Variants in ASTN2 observed in about 807,000 individuals in gnomAD.
The protein encoded by ASTN2 is astrotactin 2, also known as astrotactin-2.
Under a neutral mutation model 139.8 loss-of-function variants are expected in ASTN2, and 54 were observed. The ratio of observed to expected loss-of-function variants is 0.39; its 90% confidence interval spans 0.31 to 0.48. The LOEUF (loss-of-function observed/expected upper bound fraction) is 0.48. Ranked by LOEUF, ASTN2 falls within the 20% of genes least tolerant of loss-of-function variation. The pLI is 0.95. For missense variants in ASTN2, 1,565 were observed against 1,725.1 expected (o/e 0.91, Z 1.64); for synonymous variants, 756 against 719.5 (o/e 1.05, Z -0.81).
intron 1 of ASTN2, among the ~76,000 whole-genome samples, chr9:117,304,949 T>G (rs890816639): frequency 6.6e-6 from 1 of 152,168 alleles, no homozygotes; most frequent in Non-Finnish European, 1.5e-5. Flanking sequence ...AAAAAATGGC[T>G]AAGGTTATTT....
chr9:117,328,454 C>G (rs1332348022), intron 1 of ASTN2, among the ~76,000 whole-genome samples: 1 of 152,198 alleles, frequency 6.6e-6, no homozygotes, highest in African/African-American at 2.4e-5. Context: ...TGAATCATCT[C>G]TCTGCCATGA....
chr9:116,979,518 G>C (rs56764853), intron 7 of ASTN2, among the ~76,000 whole-genome samples: 8,904 of 152,180 alleles, frequency 0.059, 419 homozygotes, highest in African/African-American at 0.13. Flanking sequence ...ACCAAAGCGA[G>C]GAGGGGCAGG....
At chr9:117,109,806 A>G (rs867494779) in intron 4 of ASTN2, among the ~76,000 whole-genome samples, 2 of 152,142 alleles carry the variant, frequency 1.3e-5, no homozygotes, top group South Asian at 2.1e-4. Flanking sequence ...TGCATTGACA[A>G]TTTTGAAGCC....
At chr9:116,608,944 T>C (rs992857208) in intron 19 of ASTN2, among the ~76,000 whole-genome samples, 1 of 152,084 alleles carries the variant, frequency 6.6e-6, no homozygotes, top group Non-Finnish European at 1.5e-5. Flanking sequence ...AAAATTACAA[T>C]GTCCAAGACG....
intron 4 of ASTN2, among the ~76,000 whole-genome samples, chr9:117,111,001 C>T (rs550895171): frequency 6.6e-6 from 1 of 152,302 alleles, no homozygotes; most frequent in South Asian, 2.1e-4. Context: ...AAGGCAGGCC[C>T]TGACAGGCTC....
At chr9:117,219,203 A>T (rs1404022858) in intron 2 of ASTN2, among the ~76,000 whole-genome samples, 1 of 152,200 alleles carries the variant, frequency 6.6e-6, no homozygotes, top group Non-Finnish European at 1.5e-5. Flanking sequence ...GCACTGGTCC[A>T]GGCTTCTGTC....
chr9:116,511,980 G>T (rs1041694583), intron 19 of ASTN2, among the ~76,000 whole-genome samples: 11 of 151,930 alleles, frequency 7.2e-5, no homozygotes, highest in Admixed American at 2.6e-4. Flanking sequence ...ATTTTTTGAA[G>T]GGTTTTTCGT....
At chr9:116,666,297 T>A (rs574531864) in intron 16 of ASTN2, among the ~76,000 whole-genome samples, 1 of 152,334 alleles carries the variant, frequency 6.6e-6, no homozygotes, top group African/African-American at 2.4e-5. Flanking sequence ...ACTCCTTGGA[T>A]GATAGAATTT....
At chr9:117,066,007 C>T (rs1268989305) in intron 5 of ASTN2, among the ~76,000 whole-genome samples, 2 of 109,672 alleles carry the variant, frequency 1.8e-5, no homozygotes, top group Non-Finnish European at 4.0e-5. Flanking sequence ...ACCATCACTC[C>T]CATTTTATCT....
chr9:116,481,603 G>A (rs777216451), intron 20 of ASTN2, among the ~76,000 whole-genome samples: 21 of 152,254 alleles, frequency 1.4e-4, no homozygotes, highest in African/African-American at 3.4e-4. Context: ...CCCTTCACAC[G>A]TGTACACAAT....
intron 16 of ASTN2, among the ~76,000 whole-genome samples, chr9:116,670,715 G>A (rs1462539524): frequency 6.6e-6 from 1 of 152,158 alleles, no homozygotes; most frequent in East Asian, 1.9e-4. Context: ...GGGCTGAGAT[G>A]CAGGGCTTGG....
At chr9:117,276,117 G>T (rs1305486115) in intron 2 of ASTN2, among the ~76,000 whole-genome samples, 2 of 152,136 alleles carry the variant, frequency 1.3e-5, no homozygotes, top group Admixed American at 1.3e-4. Flanking sequence ...TGAGCTTCAA[G>T]AACAGCTACA....
intron 13 of ASTN2, among the ~76,000 whole-genome samples, chr9:116,754,006 C>A (rs114410535): frequency 0.015 from 2,228 of 149,898 alleles, 51 homozygotes; most frequent in African/African-American, 0.052. Context: ...CCCGCCCCTG[C>A]TGCGTCCATG....
chr9:116,815,816 A>AAAAAAAAAAAAAAAAAAAAAAAAAC lies in ASTN2; in HGVS notation c.2207+4800_2207+4801insGTTTTTTTTTTTTTTTTTTTTTTTT, dbSNP rs1564283204. ...CGAGACTCCGTCTCAAAAAAAAAAA[A>AAAAAAAAAAAAAAAAAAAAAAAAAC]AAAAAAAAAAAAGTTGATGAAATGG... On this transcript the variant is annotated intron_variant, in intron 12 of 22. Transcript: ENST00000313400. Among the ~76,000 whole-genome samples the AAAAAAAAAAAAAAAAAAAAAAAAAC allele has an allele frequency of 1.4e-5, 2 of 140,982 alleles. 1 individual carries two copies. Among genetic ancestry groups the AAAAAAAAAAAAAAAAAAAAAAAAAC allele is most frequent in the African/African-American group, 5.8e-5 (2 of 34,324 alleles). 92.5% of individuals were successfully genotyped at this position (140,982 alleles called of 152,430 possible).
rs548577967 is a variant in ASTN2, at chr9:117,063,448, G to A, written c.1277-23483C>T. On this transcript the variant is annotated intron_variant, in intron 5 of 22. Coordinates refer to ENST00000313400, the MANE Select transcript of ASTN2 (RefSeq NM_001365068.1). ...CATGAGATCTGATGGTTTGATAAGG[G>A]GAAACCCATTTCGCTTGGCTCTCAT... Among the ~76,000 whole-genome samples, 55 of 152,248 alleles carry A rather than the reference G, an allele frequency of 3.6e-4. 1 individual carries two copies. The highest frequency in any genetic ancestry group is 1.3e-3 in the African/African-American group (54 of 41,558).
At chr9:116,431,095 C>A (rs896806859) in intron 22 of ASTN2, among the ~76,000 whole-genome samples, 7 of 152,194 alleles carry the variant, frequency 4.6e-5, no homozygotes, top group African/African-American at 1.7e-4. Flanking sequence ...AGACAGGAAT[C>A]GCTTGTGAAA....
At chr9:117,231,485 G>T (rs1305974644) in intron 2 of ASTN2, among the ~76,000 whole-genome samples, 3 of 152,130 alleles carry the variant, frequency 2.0e-5, no homozygotes, top group Non-Finnish European at 4.4e-5. Context: ...AGAAAATGGG[G>T]ATAAGCAAAT....
At chr9:116,472,791 A>C (rs1296201510) in intron 20 of ASTN2, among the ~76,000 whole-genome samples, 1 of 151,744 alleles carries the variant, frequency 6.6e-6, no homozygotes, top group Non-Finnish European at 1.5e-5. Flanking sequence ...GCGGCGGCGG[A>C]GGGGGCACAC....
chr9:116,931,630 C>T (rs962083021), intron 10 of ASTN2, among the ~76,000 whole-genome samples: 2 of 152,184 alleles, frequency 1.3e-5, no homozygotes, highest in African/African-American at 4.8e-5. Context: ...GTACTGGACA[C>T]TGTCTTAGGA....
Sources: gnomAD v4.1 joint callset for allele counts (sites outside exome capture counted in the v4.1 genomes callset) on GRCh38, gnomAD v4.1.1 for gene constraint, MANE v1.5 for transcripts, NCBI Gene and HGNC (gene_info 2026-07-23, HGNC 2026-07-21) for gene names.